GPD2: variants seen among roughly 807,000 people sequenced by gnomAD.
GPD2 encodes the protein glycerol-3-phosphate dehydrogenase 2, also known as glycerol-3-phosphate dehydrogenase, mitochondrial.
In GPD2, 54 loss-of-function variants were observed where a neutral mutation model predicts 82.4. The observed-to-expected ratio is 0.66, with a 90% CI of 0.53 to 0.82. The LOEUF (loss-of-function observed/expected upper bound fraction) is 0.82. Among genes scored for constraint, GPD2 ranks in the 40% least tolerant of loss-of-function variants. The pLI is 0.00. For synonymous variants in GPD2, 288 were observed against 306.1 expected, an observed-to-expected ratio of 0.94 and a Z score of 0.62; for missense variants, 748 against 896.2, an observed-to-expected ratio of 0.83 and a Z score of 2.11.
At chr2:156,408,464 G>T in the GPD2 span, among the ~76,000 whole-genome samples, 56 of 152,214 alleles carry the variant, frequency 3.7e-4, no homozygotes, top group Middle Eastern at 0.01. Context: ...AGTGGCTCTG[G>T]CCTGTGATCC....
intron 9 of GPD2, among the ~76,000 whole-genome samples, chr2:156,562,573 A>T (rs1367426269): frequency 1.3e-5 from 1 of 79,012 alleles, no homozygotes; most frequent in Non-Finnish European, 2.9e-5. Flanking sequence ...AGTGGCAAAC[A>T]TGAAAAAAAA....
intron 1 of GPD2, among the ~76,000 whole-genome samples, chr2:156,458,713 T>C (rs560817603): frequency 1.6e-4 from 24 of 152,208 alleles, no homozygotes; most frequent in Non-Finnish European, 3.2e-4. Context: ...TCAGATGATA[T>C]GGGATTTGGT....
intron 1 of GPD2, among the ~76,000 whole-genome samples, chr2:156,441,468 AG>A (rs1682175301): frequency 6.6e-6 from 1 of 152,114 alleles, no homozygotes. Context: ...CTGAGGTGAG[AG>A]GATCTCTTGG....
chr2:156,422,078 T>G, the GPD2 span, among the ~76,000 whole-genome samples: 1 of 152,202 alleles, frequency 6.6e-6, no homozygotes, highest in African/African-American at 2.4e-5. Context: ...AGTTAACTAT[T>G]ATTGGTCCAC....
chr2:156,497,618 T>TA lies in GPD2; in HGVS notation c.274+1404dup, dbSNP rs533925341. 5.9e-5 allele frequency among the ~76,000 whole-genome samples: 9 copies of TA among 152,230 alleles called. No homozygotes were observed. In the East Asian group the frequency reaches 1.7e-3, roughly 29 times the overall value. On this transcript the variant is annotated intron_variant, in intron 3 of 16. Coordinates refer to ENST00000438166, the MANE Select transcript of GPD2 (RefSeq NM_000408.5). ...TTATGTACCTGGCAGAATCTACTCT[T>TA]ATGGAAATGAAATGAATTTAATGAG... is the stretch of plus-strand genomic sequence containing the variant.
chr2:156,582,817 A>G lies in GPD2; in HGVS notation c.2083A>G (p.Arg695Gly). The change falls in exon 17 of 17, where the codon AGG becomes GGG. Residue 695 changes from arginine to glycine, a missense_variant. This residue lies in a region of GPD2 where 46 missense variants were observed against 49.1 expected (regional missense o/e 0.94). Transcript: ENST00000438166. The part of the protein sequence containing the change: ...LQLMSAIQKG[R>G]VSGSRLAILM... ...GCTGATGAGTGCTATTCAAAAAGGA[A>G]GGGTATCTGGAAGCCGGCTTGCTAT... 1.2e-6 allele frequency: 2 copies of G among 1,613,140 alleles called. No individual in the cohort carries two copies. The highest frequency in any genetic ancestry group is 1.7e-6 in the Non-Finnish European group (2 of 1,179,232).
chr2:156,475,693 C>G (rs985619881), intron 1 of GPD2, among the ~76,000 whole-genome samples: 2 of 152,148 alleles, frequency 1.3e-5, no homozygotes, highest in Non-Finnish European at 2.9e-5. Context: ...TGTTGAGTGA[C>G]CCAAGACTTC....
the GPD2 span, among the ~76,000 whole-genome samples, chr2:156,421,912 G>A: frequency 1.3e-5 from 2 of 152,130 alleles, no homozygotes; most frequent in Non-Finnish European, 2.9e-5. Flanking sequence ...GAAGGCTTAA[G>A]CCCAGGAGTT....
rs202046011 is a variant in GPD2, at chr2:156,557,484, A to G, written c.1067A>G (p.Asp356Gly). The part of the protein sequence containing the change: ...WQKMTIAGTT[D>G]TPTDVTHHPI... The stretch of plus-strand genomic sequence containing the variant: ...AAGATGACGATCGCTGGCACTACTG[A>G]TACTCCAACTGATGTTACACACCAT... Residue 356 changes from aspartate (D) to glycine (G), a missense_variant, in exon 9 of 17, where the codon GAT becomes GGT. Around this residue, in one of 3 missense-constraint regions of GPD2, gnomAD observed 692 missense variants for 809.7 expected, o/e 0.85. Coordinates refer to ENST00000438166, the MANE Select transcript of GPD2 (RefSeq NM_000408.5). 2.5e-6 allele frequency: 4 copies of G among 1,598,414 alleles called. No individual in the cohort carries two copies. The African/African-American group carries it at 5.4e-5, about 21-fold the overall frequency.
intron 3 of GPD2, 50 bp from the exon 4 acceptor site, chr2:156,510,746 C>T (rs745887679): frequency 8.6e-6 from 13 of 1,510,350 alleles, no homozygotes; most frequent in Non-Finnish European, 9.2e-6. Flanking sequence ...TAATGAATTA[C>T]ATACAAATTG....
intron 1 of GPD2, among the ~76,000 whole-genome samples, chr2:156,472,814 C>T (rs951114007): frequency 2.6e-5 from 4 of 152,084 alleles, no homozygotes; most frequent in Non-Finnish European, 5.9e-5. Flanking sequence ...CTTTTGAGAC[C>T]AAAGGCAGGA....
the GPD2 span, among the ~76,000 whole-genome samples, chr2:156,411,771 T>A: frequency 6.6e-6 from 1 of 152,286 alleles, no homozygotes; most frequent in South Asian, 2.1e-4. Context: ...TTCAGAAGGG[T>A]AAGGAATTCC....
At chr2:156,438,893 A>G (rs925480944) in intron 1 of GPD2, among the ~76,000 whole-genome samples, 9 of 152,240 alleles carry the variant, frequency 5.9e-5, no homozygotes, top group African/African-American at 1.7e-4. Context: ...ACCTCGTACA[A>G]TCATTTTTCC....
intron 1 of GPD2, among the ~76,000 whole-genome samples, chr2:156,458,442 A>G (rs1439787959): frequency 2.0e-5 from 3 of 152,206 alleles, no homozygotes; most frequent in African/African-American, 7.2e-5. Flanking sequence ...ATAACTAAAA[A>G]TGTAGGGCGA....
intron 9 of GPD2, among the ~76,000 whole-genome samples, chr2:156,566,296 T>C (rs1035123073): frequency 3.3e-5 from 5 of 152,096 alleles, no homozygotes; most frequent in African/African-American, 1.2e-4. Flanking sequence ...CACATTGTCA[T>C]GCAACCATCA....
Position 156,585,979 on chromosome 2 carries a change from G to T in GPD2, c.*3061G>T, listed in dbSNP as rs1574030121. 6.6e-6 allele frequency: 1 copy of T among 152,258 alleles called. No homozygotes were observed. The highest frequency in any genetic ancestry group is 1.5e-5 in the Non-Finnish European group (1 of 67,892). 9.4% of individuals were successfully genotyped at this position (152,258 alleles called of 1,614,324 possible). A position where few individuals can be genotyped will look rare whatever the true frequency, so the allele number is the denominator to read the frequency against. On this transcript the variant is annotated 3_prime_UTR_variant, in exon 17 of 17. Transcript: ENST00000438166. ...CTGGACTGTTAAATACTATGTTTGAGGCTGGGTTGTCATTTTTATAACTGT... is the reference window on the plus strand; with the variant it reads ...CTGGACTGTTAAATACTATGTTTGATGCTGGGTTGTCATTTTTATAACTGT...
chr2:156,489,902 C>T (rs1390008552), intron 2 of GPD2, among the ~76,000 whole-genome samples: 1 of 136,310 alleles, frequency 7.3e-6, no homozygotes, highest in African/African-American at 2.7e-5. Flanking sequence ...CCTTCCTTCA[C>T]TACCCTCCTT....
At chr2:156,433,550 G>A (rs374970808), upstream of GPD2, among the ~76,000 whole-genome samples, 86 of 152,202 alleles carry the variant, frequency 5.7e-4, no homozygotes, top group African/African-American at 2.0e-3. Context: ...TAAAAAATCC[G>A]CTCCACGAAT....
chr2:156,425,140 A>C, the GPD2 span, among the ~76,000 whole-genome samples: 1 of 149,700 alleles, frequency 6.7e-6, no homozygotes, highest in Non-Finnish European at 1.5e-5. Flanking sequence ...CCCGTCACTC[A>C]GTCTGGAGTG....
Sources: gnomAD v4.1 joint callset for allele counts (sites outside exome capture counted in the v4.1 genomes callset) on GRCh38, gnomAD v4.1.1 for gene constraint, gnomAD v4.1.1 regional missense constraint, MANE v1.5 for transcripts, NCBI Gene and HGNC (gene_info 2026-07-23, HGNC 2026-07-21) for gene names.